The following LNX2 variants were observed in gnomAD, a reference collection of about 807,000 sequenced individuals.
LNX2 encodes the protein ligand of numb-protein X 2, also known as ligand of Numb protein X 2.
In LNX2, 35 loss-of-function variants were observed where a neutral mutation model predicts 66.2. The observed-to-expected ratio is 0.53, with a 90% CI of 0.40 to 0.70. LNX2 has a LOEUF of 0.70. Among genes scored for constraint, LNX2 ranks in the 30% least tolerant of loss-of-function variants. LNX2 has a pLI of 0.00. For synonymous variants in LNX2, 337 were observed against 315.6 expected, an observed-to-expected ratio of 1.07 and a Z score of -0.72; for missense variants, 791 against 850.8, an observed-to-expected ratio of 0.93 and a Z score of 0.87.
At chr13:27,606,758 T>C (rs1955721748) in intron 1 of LNX2, among the ~76,000 whole-genome samples, 1 of 152,144 alleles carries the variant, frequency 6.6e-6, no homozygotes, top group East Asian at 1.9e-4. Flanking sequence ...GAAGTATCCA[T>C]CTGAACACAT....
At chr13:27,599,481 C>T (rs979483847) in intron 1 of LNX2, among the ~76,000 whole-genome samples, 26 of 152,138 alleles carry the variant, frequency 1.7e-4, no homozygotes, top group Non-Finnish European at 3.2e-4. Context: ...CTTCCTCTAT[C>T]CTTATCTACT....
At chr13:27,587,940 G>A (rs1189366746) in intron 1 of LNX2, among the ~76,000 whole-genome samples, 2 of 149,764 alleles carry the variant, frequency 1.3e-5, no homozygotes, top group Non-Finnish European at 3.0e-5. Context: ...AGAATGGCGT[G>A]AGCCCTGGAG....
chr13:27,550,607 G>C (rs1447375948), intron 8 of LNX2, 116 bp from the exon 9 acceptor site: 1 of 689,390 alleles, frequency 1.5e-6, no homozygotes, highest in African/African-American at 1.8e-5. Flanking sequence ...AAGAAAAAGG[G>C]CTATTAATAA....
At chr13:27,596,558 A>G (rs1486722622) in intron 1 of LNX2, among the ~76,000 whole-genome samples, 2 of 152,132 alleles carry the variant, frequency 1.3e-5, no homozygotes, top group African/African-American at 4.8e-5. Context: ...CCATTTCACA[A>G]ATTTTATTTT....
At chr13:27,611,952 GAA>G (rs1448207793) in intron 1 of LNX2, among the ~76,000 whole-genome samples, 1 of 152,208 alleles carries the variant, frequency 6.6e-6, no homozygotes, top group Non-Finnish European at 1.5e-5. Flanking sequence ...AAAGCAGGGA[GAA>G]AGAGATTAAA....
intron 1 of LNX2, among the ~76,000 whole-genome samples, chr13:27,595,067 CTA>C (rs1402048040): frequency 1.3e-5 from 2 of 152,218 alleles, no homozygotes; most frequent in African/African-American, 4.8e-5. Context: ...AGATCTGACT[CTA>C]GTTTCACTTT....
rs562552445 is a variant in LNX2, at chr13:27,585,194, G to T, written c.-100-3391C>A. Among the ~76,000 whole-genome samples, 72 of 151,916 alleles carry T rather than the reference G, an allele frequency of 4.7e-4. 1 individual carries two copies. Among genetic ancestry groups the T allele is most frequent in the South Asian group, 1.7e-3 (8 of 4,816 alleles). On this transcript the variant is annotated intron_variant, in intron 1 of 9. Transcript: ENST00000316334. ...TAATCCCAGCACTTTGGGAGGCTGA[G>T]GCGGGTGGATCACGAGGTCAGGAGA...
intron 2 of LNX2, 123 bp downstream of exon 2, chr13:27,581,174 G>A (rs1955392462): frequency 3.1e-6 from 2 of 641,770 alleles, no homozygotes; most frequent in Non-Finnish European, 5.0e-6. Flanking sequence ...TATCTCTTCT[G>A]TACTTGATTC....
chr13:27,583,792 C>T (rs1290897479), intron 1 of LNX2, among the ~76,000 whole-genome samples: 4 of 152,028 alleles, frequency 2.6e-5, no homozygotes, highest in Non-Finnish European at 5.9e-5. Context: ...ACAGTTAAAG[C>T]CCATTATTAA....
intron 2 of LNX2, among the ~76,000 whole-genome samples, chr13:27,578,761 C>T (rs1162099051): frequency 5.9e-5 from 9 of 152,190 alleles, no homozygotes; most frequent in Admixed American, 5.9e-4. Flanking sequence ...AATGAAGAAA[C>T]CATCTTGGAA....
At chr13:27,583,027 G>A (rs1386932267) in intron 1 of LNX2, among the ~76,000 whole-genome samples, 3 of 152,000 alleles carry the variant, frequency 2.0e-5, no homozygotes, top group Non-Finnish European at 4.4e-5. Context: ...CAGCGCAAAT[G>A]CTGCAAAGTA....
chr13:27,610,004 A>G (rs1955757220), intron 1 of LNX2, among the ~76,000 whole-genome samples: 1 of 152,254 alleles, frequency 6.6e-6, no homozygotes. Context: ...CTCATCTATA[A>G]TAAAAGCACA....
chr13:27,553,825 A>G (rs1376471636), intron 7 of LNX2, among the ~76,000 whole-genome samples: 2 of 152,204 alleles, frequency 1.3e-5, no homozygotes, highest in African/African-American at 4.8e-5. Context: ...CTTTGCCCTT[A>G]GAAATAAATC....
At chr13:27,587,657 C>A (rs1392655842) in intron 1 of LNX2, among the ~76,000 whole-genome samples, 1 of 152,200 alleles carries the variant, frequency 6.6e-6, no homozygotes, top group African/African-American at 2.4e-5. Flanking sequence ...AGTTTCCTTA[C>A]TTGGTATCAA....
At chr13:27,577,495 T>G (rs946916313) in intron 2 of LNX2, among the ~76,000 whole-genome samples, 5 of 152,054 alleles carry the variant, frequency 3.3e-5, no homozygotes, top group Admixed American at 2.6e-4. Context: ...GGAAGAAGAA[T>G]AATTGTCTTG....
At chr13:27,619,838 T>A (rs923318672) in intron 1 of LNX2, among the ~76,000 whole-genome samples, 1 of 152,146 alleles carries the variant, frequency 6.6e-6, no homozygotes, top group African/African-American at 2.4e-5. Context: ...CTGGAAGATG[T>A]CAAATCTCTC....
chr13:27,547,241 AT>A lies in LNX2; in HGVS notation c.*1093del, dbSNP rs1165389859. On this transcript the variant is annotated 3_prime_UTR_variant, in exon 10 of 10. Transcript: ENST00000316334. ...TAAGAATAACACAACTCTAGAAATA[AT>A]TTTTTAGCAAAAACTACTTCAAAAT... The A allele has an allele frequency of 6.6e-6, 1 of 152,190 alleles. No homozygotes were observed. Among genetic ancestry groups the A allele is most frequent in the Admixed American group, 6.5e-5 (1 of 15,286 alleles). The allele number at this position is 152,190 out of a possible 1,614,324, so 9.4% of individuals were successfully genotyped here.
intron 1 of LNX2, among the ~76,000 whole-genome samples, chr13:27,598,204 T>TA (rs10634128): frequency 0.089 from 12,392 of 138,872 alleles, 628 homozygotes; most frequent in Non-Finnish European, 0.11. Context: ...CAGCACTGTT[T>TA]AAAAAAAAAA....
At position 27,546,710 on chromosome 13, in the gene LNX2, T is replaced by G. The variant is rs1954943614; in HGVS notation, c.*1625A>C. On this transcript the variant is annotated 3_prime_UTR_variant, in exon 10 of 10. Coordinates refer to ENST00000316334, the MANE Select transcript of LNX2 (RefSeq NM_153371.4). ...TGTACTGTAGTATTCTGAAATACAT[T>G]CTCTGATTATCAATACCATTTATTA... 1 of 152,186 alleles carries G rather than the reference T, an allele frequency of 6.6e-6. No individual in the cohort carries two copies. Among genetic ancestry groups the G allele is most frequent in the South Asian group, 2.1e-4 (1 of 4,832 alleles). The allele number at this position is 152,186 out of a possible 1,614,324, so 9.4% of individuals were successfully genotyped here. A position where few individuals can be genotyped will look rare whatever the true frequency, so the allele number is the denominator to read the frequency against.
Sources: allele counts gnomAD v4.1 joint callset (sites outside exome capture counted in the v4.1 genomes callset), GRCh38; gene constraint gnomAD v4.1.1; transcripts MANE v1.5; gene names NCBI Gene and HGNC (gene_info 2026-07-23, HGNC 2026-07-21).